Variants in NTSR1 observed in about 807,000 individuals in gnomAD.
The protein encoded by NTSR1 is neurotensin receptor 1.
In NTSR1, 29 loss-of-function variants were observed where a neutral mutation model predicts 31.2. The ratio of observed to expected loss-of-function variants is 0.93; its 90% CI spans 0.69 to 1.27. The LOEUF is 1.27. Among genes scored for constraint, NTSR1 ranks in the 50% most tolerant of loss-of-function variants. NTSR1 has a pLI of 0.00. For missense variants in NTSR1, 697 were observed against 595.4 expected, an observed-to-expected ratio of 1.17 and a Z score of -1.78; for synonymous variants, 282 against 269.9, an observed-to-expected ratio of 1.04 and a Z score of -0.44.
intron 2 of NTSR1, among the ~76,000 whole-genome samples, chr20:62,757,416 A>G (rs765261132): frequency 1.4e-4 from 21 of 152,208 alleles, no homozygotes; most frequent in Non-Finnish European, 2.9e-4. Context: ...CCCTTGGTCT[A>G]CGTGTCTATC....
In NTSR1 at chr20:62,709,500, A is replaced by C. The variant is rs1988553760; in HGVS notation, c.293A>C (p.Gln98Pro). The C allele has an allele frequency of 6.2e-7, 1 of 1,612,532 alleles. No homozygotes were observed. The highest frequency in any genetic ancestry group is 1.3e-5 in the African/African-American group (1 of 74,950). The change falls in exon 1 of 4, where the codon CAG becomes CCG. Residue 98 changes from glutamine to proline, a missense_variant. Coordinates refer to ENST00000370501, the MANE Select transcript of NTSR1 (RefSeq NM_002531.3). ...LARKKSLQSL[Q>P]STVHYHLGSL... ...CGGAAGAAGTCGCTGCAGAGCCTGC[A>C]GAGCACGGTGCATTACCACCTGGGC...
rs1048663280 is a variant in NTSR1, at chr20:62,711,953, T to C, written c.714+2032T>C. 5.3e-5 allele frequency among the ~76,000 whole-genome samples: 8 copies of C among 152,234 alleles called. No individual in the cohort carries two copies. ...GCCCCACGCCCTGCAGACGCCATGC[T>C]GGCCGAGCGTTGCTGAAGGCACCCT... On this transcript the variant is annotated intron_variant, in intron 1 of 3. Coordinates refer to ENST00000370501, the MANE Select transcript of NTSR1 (RefSeq NM_002531.3). The surrounding 1 kb of genome is among the most constrained non-coding windows in gnomAD (Gnocchi z 6.4).
rs1266079696 is a variant in NTSR1 at position 62,741,042 on chromosome 20, G to C, written c.715-13643G>C. ...GCTCAGCGAGGGGAGGGCCGTTCCC[G>C]GGGCTGAGGGCCAGGGGCCTCCCCT... On this transcript the variant is annotated intron_variant, in intron 1 of 3. Transcript: ENST00000370501. This position sits in a 1 kb window ranked among gnomAD's most constrained non-coding sequence, Gnocchi z 4.3. Among the ~76,000 whole-genome samples, 1 of 152,198 alleles carries C rather than the reference G, an allele frequency of 6.6e-6. No homozygotes were observed. The highest frequency in any genetic ancestry group is 6.5e-5 in the Admixed American group (1 of 15,284).
At chr20:62,725,971 C>T (rs570499471) in intron 1 of NTSR1, among the ~76,000 whole-genome samples, 2 of 152,314 alleles carry the variant, frequency 1.3e-5, no homozygotes, top group African/African-American at 2.4e-5. Context: ...AATCTCTGTA[C>T]ACCAACCTCA....
At chr20:62,749,447 G>C (rs982646924) in intron 1 of NTSR1, among the ~76,000 whole-genome samples, 4 of 152,096 alleles carry the variant, frequency 2.6e-5, no homozygotes, top group African/African-American at 9.7e-5. Flanking sequence ...AGAAAACATA[G>C]AAGAAAAGCT....
At chr20:62,731,599 T>C (rs1733795558) in intron 1 of NTSR1, among the ~76,000 whole-genome samples, 1 of 152,240 alleles carries the variant, frequency 6.6e-6, no homozygotes, top group African/African-American at 2.4e-5. Flanking sequence ...GCATTTTATA[T>C]TAAGGTCTGT....
At chr20:62,716,912 G>A (rs1988738141) in intron 1 of NTSR1, among the ~76,000 whole-genome samples, 1 of 152,238 alleles carries the variant, frequency 6.6e-6, no homozygotes, top group Non-Finnish European at 1.5e-5. Context: ...GCCTGTCTCA[G>A]AGACCCCCAC....
chr20:62,726,694 C>CAA (rs11445641), intron 1 of NTSR1, among the ~76,000 whole-genome samples: 60,027 of 142,246 alleles, frequency 0.42, 14,168 homozygotes, highest in East Asian at 0.71. Context: ...GAACCTGTCT[C>CAA]AAAAAAAAAA....
In NTSR1 at chr20:62,742,451, C is replaced by T. The variant is rs1006565232; in HGVS notation, c.715-12234C>T. 2.0e-5 allele frequency among the ~76,000 whole-genome samples: 3 copies of T among 149,530 alleles called. No homozygotes were observed. The highest frequency in any genetic ancestry group is 2.1e-4 in the South Asian group (1 of 4,762). On this transcript the variant is annotated intron_variant, in intron 1 of 3. Transcript: ENST00000370501. This position sits in a 1 kb window ranked among gnomAD's most constrained non-coding sequence, Gnocchi z 7.1. ...TCCAGATCCCAGCAGCATCTCGAGC[C>T]GGGCCTGGTACTGCTTAGATGCCTG...
At position 62,758,484 on chromosome 20, in the gene NTSR1, C is replaced by T. The variant is rs888887755; in HGVS notation, c.1007+128C>T. On this transcript the variant is annotated intron_variant, in intron 3 of 3. Coordinates refer to ENST00000370501, the MANE Select transcript of NTSR1 (RefSeq NM_002531.3). The surrounding 1 kb of genome is among the most constrained non-coding windows in gnomAD (Gnocchi z 4.5). ...GGTGTGGTGAGTCCCCCGGCGACCC[C>T]CTGGGCAGGGTTGTGCTGTGACTGG... 1.5e-4 allele frequency: 121 copies of T among 812,962 alleles called. No homozygotes were observed. The highest frequency in any genetic ancestry group is 1.3e-3 in the African/African-American group (79 of 59,590). 50.4% of individuals were successfully genotyped at this position (812,962 alleles called of 1,614,324 possible). A position where few individuals can be genotyped will look rare whatever the true frequency, so the allele number is the denominator to read the frequency against.
Sources: allele counts gnomAD v4.1 joint callset (sites outside exome capture counted in the v4.1 genomes callset), GRCh38; gene constraint gnomAD v4.1.1; non-coding constraint Gnocchi (gnomAD v3.1); transcripts MANE v1.5; gene names NCBI Gene and HGNC (gene_info 2026-07-23, HGNC 2026-07-21).